RNF34: variants seen among roughly 807,000 people sequenced by gnomAD.
RNF34 encodes the protein E3 ubiquitin-protein ligase RNF34.
RNF34 carries 12 observed loss-of-function variants against 37.9 expected under a neutral mutation model. The ratio of observed to expected loss-of-function variants is 0.32; its 90% confidence interval spans 0.20 to 0.51. The LOEUF (loss-of-function observed/expected upper bound fraction) is 0.51, where lower values mean the gene tolerates loss of function less well. RNF34 is among the 20% of genes least tolerant of loss of function. The probability of loss-of-function intolerance (pLI) is 0.97; values close to 1 mark genes in which losing one functional copy is unlikely to be tolerated. For synonymous variants in RNF34, 155 were observed against 177.2 expected (o/e 0.87, Z 1.00); for missense variants, 362 against 472.7 (o/e 0.77, Z 2.17).
In RNF34 at chr12:121,417,803, T is replaced by C. The variant is rs782683123; in HGVS notation, c.525T>C (p.Phe175=). Residue 175 remains phenylalanine (F), a synonymous_variant, in exon 3 of 6, where the codon TTT becomes TTC. Coordinates refer to ENST00000361234, the MANE Select transcript of RNF34 (RefSeq NM_025126.4). The surrounding 1 kb of genome is among the most constrained non-coding windows in gnomAD (Gnocchi z 5.0). ...CAAGGTCCCAGACTTCTAGCTTTTT[T>C]ACACGTTCGTTTTTTTCAAACTATA... ...NSSRSQTSSF[F]TRSFFSNYTA... 1.9e-6 allele frequency: 3 copies of C among 1,614,242 alleles called. No individual in the cohort carries two copies. Among genetic ancestry groups the C allele is most frequent in the Middle Eastern group, 3.3e-4 (2 of 6,062 alleles).
At chr12:121,412,267 T>A (rs2136986467) in intron 1 of RNF34, among the ~76,000 whole-genome samples, 1 of 117,364 alleles carries the variant, frequency 8.5e-6, no homozygotes, top group South Asian at 2.9e-4. Context: ...TGAGATGGAG[T>A]CCCGCTCTGT....
At chr12:121,420,457 A>G (rs1593676901) in intron 4 of RNF34, 120 bp from the exon 5 acceptor site, 3 of 1,555,550 alleles carry the variant, frequency 1.9e-6, no homozygotes, top group East Asian at 4.6e-5. Flanking sequence ...AGGACAGTAT[A>G]CTGAAACACT....
intron 1 of RNF34, among the ~76,000 whole-genome samples, chr12:121,404,405 T>TTC (rs1265598280): frequency 1.9e-4 from 27 of 139,448 alleles, no homozygotes; most frequent in Non-Finnish European, 3.4e-4. Flanking sequence ...TTTTTTTTTT[T>TTC]TTTTTTTGAG....
At chr12:121,412,187 G>A (rs12099579) in intron 1 of RNF34, among the ~76,000 whole-genome samples, 13,199 of 143,162 alleles carry the variant, frequency 0.092, 687 homozygotes, top group South Asian at 0.24. Flanking sequence ...TCAGCCTCCC[G>A]ACTAGCTGGG....
rs1871586233 is a variant in RNF34 at position 121,416,489 on chromosome 12, T to C, written c.225+112T>C. 5 of 746,214 alleles carry C rather than the reference T, an allele frequency of 6.7e-6. No individual in the cohort carries two copies. In the East Asian group the frequency reaches 1.3e-4, roughly 19 times the overall value. 46.2% of individuals were successfully genotyped at this position (746,214 alleles called of 1,614,324 possible). A position where few individuals can be genotyped will look rare whatever the true frequency, so the allele number is the denominator to read the frequency against. On this transcript the variant is annotated intron_variant, in intron 2 of 5. Coordinates refer to ENST00000361234, the MANE Select transcript of RNF34 (RefSeq NM_025126.4). Reference sequence around the variant, plus strand: ...TTCTGTTTATAAAAATATCAAAAGCTTAGTTCCATTAGCCATTTTCCATCT... The same window carrying C: ...TTCTGTTTATAAAAATATCAAAAGCCTAGTTCCATTAGCCATTTTCCATCT...
chr12:121,402,955 T>C, intron 1 of RNF34: 1 of 667,294 alleles, frequency 1.5e-6, no homozygotes, highest in East Asian at 2.6e-5. Flanking sequence ...ATTTAGGATG[T>C]AGAATTCCTT....
intron 1 of RNF34, chr12:121,409,763 ACAG>A (rs1464656671): frequency 1.3e-5 from 2 of 152,276 alleles, no homozygotes; most frequent in Admixed American, 6.5e-5. Context: ...AGAAGTACTG[ACAG>A]CAGCTACGAA....
intron 1 of RNF34, among the ~76,000 whole-genome samples, chr12:121,408,462 AAAAT>A (rs1472641697): frequency 2.0e-5 from 3 of 151,952 alleles, no homozygotes; most frequent in Non-Finnish European, 2.9e-5. Flanking sequence ...AATAAAAATA[AAAAT>A]AAATAAAAAC....
intron 1 of RNF34, among the ~76,000 whole-genome samples, chr12:121,400,966 G>A (rs993838530): frequency 1.3e-5 from 2 of 152,186 alleles, no homozygotes; most frequent in Non-Finnish European, 2.9e-5. Flanking sequence ...TTTGTGAACA[G>A]CAGTCAGTTC....
rs572090476 is a variant in RNF34, at chr12:121,423,415, G to A, written c.958G>A (p.Glu320Lys). The stretch of plus-strand genomic sequence containing the variant: ...CGAGCGGCTGCAGCTGCAGGATGAG[G>A]AAGACGACAGCCTGTGTCGCATCTG... The part of the protein sequence containing the change: ...YGERLQLQDE[E>K]DDSLCRICMD... The change falls in exon 6 of 6, where the codon GAA becomes AAA. Residue 320 changes from glutamate to lysine, a missense_variant. Transcript: ENST00000361234. This position sits in a 1 kb window ranked among gnomAD's most constrained non-coding sequence, Gnocchi z 4.3. The A allele has an allele frequency of 7.4e-6, 12 of 1,611,184 alleles. No homozygotes were observed. The South Asian group carries it at 1.1e-4, about 15-fold the overall frequency.
chr12:121,402,752 G>T, intron 1 of RNF34: 3 of 1,598,028 alleles, frequency 1.9e-6, no homozygotes, highest in Non-Finnish European at 2.6e-6. Flanking sequence ...GTGGGGGAGT[G>T]GTACTAAGGA....
chr12:121,404,590 C>T lies in RNF34; in HGVS notation c.6+4372C>T, dbSNP rs150480808. On this transcript the variant is annotated intron_variant, in intron 1 of 5. Coordinates refer to ENST00000361234, the MANE Select transcript of RNF34 (RefSeq NM_025126.4). ...ATTTTTAGTAGAGACCGGGTTTCAC[C>T]ATCTTGGCTAGGCTGGTCTTGAACT... Among the ~76,000 whole-genome samples the T allele has an allele frequency of 4.7e-3, 717 of 151,780 alleles. 2 individuals carry two copies. Among genetic ancestry groups the T allele is most frequent in the African/African-American group, 0.016 (647 of 41,356 alleles).
At position 121,416,275 on chromosome 12, in the gene RNF34, T is replaced by C; in HGVS notation, c.123T>C (p.Phe41=). 2 of 1,614,134 alleles carry C rather than the reference T, an allele frequency of 1.2e-6. No individual in the cohort carries two copies. Among genetic ancestry groups the C allele is most frequent in the Non-Finnish European group, 1.7e-6 (2 of 1,180,006 alleles). ...CAGGAGCCACCGGTCCATTCAGATT[T>C]ACACCAAACCCTGAGTTTTCCACCT... The part of the protein sequence containing the change: ...AFAGATGPFR[F]TPNPEFSTYP... Residue 41 remains phenylalanine, a synonymous_variant, in exon 2 of 6, where the codon TTT becomes TTC. Coordinates refer to ENST00000361234, the MANE Select transcript of RNF34 (RefSeq NM_025126.4).
At chr12:121,404,473 C>T (rs1346611262) in intron 1 of RNF34, among the ~76,000 whole-genome samples, 1 of 128,768 alleles carries the variant, frequency 7.8e-6, no homozygotes. Flanking sequence ...CAGCTTACTG[C>T]AGTCTCCGCC....
At chr12:121,420,888 C>A in intron 5 of RNF34, 110 bp downstream of exon 5, 1 of 778,222 alleles carries the variant, frequency 1.3e-6, no homozygotes, top group East Asian at 2.6e-5. Context: ...AGCTGTGTAC[C>A]ATTTTACTGA....
At position 121,404,553 on chromosome 12, in the gene RNF34, A is replaced by AT. The variant is rs557321241; in HGVS notation, c.6+4343dup. ...AGTTGTGCACCACCACACCCAGCTAATTTTTTTTGGTATTTTTAGTAGAGA... is the reference window on the plus strand; with the variant it reads ...AGTTGTGCACCACCACACCCAGCTAATTTTTTTTTGGTATTTTTAGTAGAGA... On this transcript the variant is annotated intron_variant, in intron 1 of 5. Transcript: ENST00000361234. 3.2e-4 allele frequency among the ~76,000 whole-genome samples: 49 copies of AT among 151,206 alleles called. No individual in the cohort carries two copies. The South Asian group carries it at 6.3e-3, about 19-fold the overall frequency.
intron 1 of RNF34, among the ~76,000 whole-genome samples, chr12:121,406,635 A>G (rs1870565459): frequency 6.6e-6 from 1 of 152,234 alleles, no homozygotes; most frequent in Non-Finnish European, 1.5e-5. Flanking sequence ...GATATAAGCC[A>G]GGCAGACCAT....
Position 121,417,669 on chromosome 12 carries a change from A to C in RNF34, c.391A>C (p.Asn131His), listed in dbSNP as rs782029863. Residue 131 changes from asparagine (N) to histidine (H), a missense_variant, in exon 3 of 6, where the codon AAT becomes CAT. Asn to His is a moderately conservative substitution (Grantham distance 68). Coordinates refer to ENST00000361234, the MANE Select transcript of RNF34 (RefSeq NM_025126.4). This position sits in a 1 kb window ranked among gnomAD's most constrained non-coding sequence, Gnocchi z 5.0. ...KDLRQYLILR[N>H]IPIDTCREKE... ...CCTGCGGCAGTATCTCATTCTGAGAAATATACCCATAGATACTTGTCGTGA... is the reference window on the plus strand; with the variant it reads ...CCTGCGGCAGTATCTCATTCTGAGACATATACCCATAGATACTTGTCGTGA... 2 of 1,614,190 alleles carry C rather than the reference A, an allele frequency of 1.2e-6. No individual in the cohort carries two copies. Among genetic ancestry groups the C allele is most frequent in the Non-Finnish European group, 1.7e-6 (2 of 1,180,038 alleles).
At chr12:121,403,286 C>T (rs1870173417) in intron 1 of RNF34, among the ~76,000 whole-genome samples, 1 of 151,766 alleles carries the variant, frequency 6.6e-6, no homozygotes, top group Non-Finnish European at 1.5e-5. Flanking sequence ...GTCCCAGCTA[C>T]TCTGGAGGCT....
Sources: allele counts gnomAD v4.1 joint callset (sites outside exome capture counted in the v4.1 genomes callset), GRCh38; gene constraint gnomAD v4.1.1; non-coding constraint Gnocchi (gnomAD v3.1); transcripts MANE v1.5; gene names NCBI Gene and HGNC (gene_info 2026-07-23, HGNC 2026-07-21).